BAHCC1: variants seen among roughly 807,000 people sequenced by gnomAD.
The protein encoded by BAHCC1 is BAH and coiled-coil domain-containing protein 1.
A neutral mutation model predicts 88.2 loss-of-function variants in BAHCC1; 43 were observed. The ratio of observed to expected loss-of-function variants is 0.49; its 90% CI spans 0.38 to 0.63. The LOEUF is 0.63. Among genes scored for constraint, BAHCC1 ranks in the 20% least tolerant of loss-of-function variants. BAHCC1 has a pLI of 0.00. For synonymous variants in BAHCC1, 1,510 were observed against 745.5 expected (o/e 2.03, Z -16.71); for missense variants, 3,023 against 1,654.8 (o/e 1.83, Z -14.34).
Position 81,451,959 on chromosome 17 carries a change from C to CT in BAHCC1, c.4180-12_4180-11insT. Reference sequence around the variant, plus strand: ...TGGCCCGGCTCACAGGCCCCTGTGCCCCCCCCACCAGGTGTGCCCCCTGAA... The same window carrying CT: ...TGGCCCGGCTCACAGGCCCCTGTGCCTCCCCCCACCAGGTGTGCCCCCTGAA... On this transcript the variant is annotated splice_polypyrimidine_tract_variant and intron_variant, in intron 12 of 27. Coordinates refer to ENST00000675386, the MANE Select transcript of BAHCC1 (RefSeq NM_001377448.1). 1.6e-6 allele frequency: 1 copy of CT among 619,106 alleles called. No homozygotes were observed. The highest frequency in any genetic ancestry group is 2.9e-6 in the Non-Finnish European group (1 of 344,352). 38.4% of individuals were successfully genotyped at this position (619,106 alleles called of 1,614,324 possible).
chr17:81,445,712 T>G, intron 10 of BAHCC1, 31 bp downstream of exon 10: 1 of 714,098 alleles, frequency 1.4e-6, no homozygotes, highest in Non-Finnish European at 2.6e-6. Flanking sequence ...CGGCCCACTG[T>G]GCTCCGCTCC....
chr17:81,457,089 G>C (rs1032621112), intron 16 of BAHCC1, among the ~76,000 whole-genome samples: 3 of 152,142 alleles, frequency 2.0e-5, no homozygotes, highest in Non-Finnish European at 4.4e-5. Flanking sequence ...GAGGGGCAGA[G>C]GGCCATCTGG....
chr17:81,408,363 A>G (rs1465539224), intron 2 of BAHCC1, among the ~76,000 whole-genome samples: 1 of 151,672 alleles, frequency 6.6e-6, no homozygotes, highest in African/African-American at 2.4e-5. Flanking sequence ...AGGTTCCTAG[A>G]TGCTCGGCTA....
chr17:81,416,897 A>G (rs1950351001), intron 2 of BAHCC1, among the ~76,000 whole-genome samples: 1 of 152,198 alleles, frequency 6.6e-6, no homozygotes, highest in Non-Finnish European at 1.5e-5. Flanking sequence ...GGCCAAGAGC[A>G]CTAGAGTCTC....
Position 81,445,023 on chromosome 17 carries a change from A to G in BAHCC1, c.2680A>G (p.Met894Val), listed in dbSNP as rs1555653927. The G allele has an allele frequency of 2.6e-6, 2 of 762,618 alleles. No individual in the cohort carries two copies. The highest frequency in any genetic ancestry group is 4.9e-5 in the East Asian group (2 of 40,620). The allele number at this position is 762,618 out of a possible 1,614,324, so 47.2% of individuals were successfully genotyped here. A position where few individuals can be genotyped will look rare whatever the true frequency, so the allele number is the denominator to read the frequency against. ...CTGGGCCCTGCCCACAGCGGATGTC[A>G]TGGACCAGGCGTCACTGTGGCCCCC... is the stretch of plus-strand genomic sequence containing the variant. ...HSAPHALADV[M>V]DQASLWPPMY... Residue 894 changes from methionine (M) to valine (V), a missense_variant, in exon 9 of 28, where the codon ATG becomes GTG. Met to Val is a conservative substitution (Grantham distance 21). Coordinates refer to ENST00000675386, the MANE Select transcript of BAHCC1 (RefSeq NM_001377448.1).
chr17:81,441,998 C>T lies in BAHCC1; in HGVS notation c.649C>T (p.Arg217Cys), dbSNP rs782063768. The T allele has an allele frequency of 3.5e-5, 26 of 743,166 alleles. No individual in the cohort carries two copies. The highest frequency in any genetic ancestry group is 3.1e-4 in the Admixed American group (17 of 55,258). 46.0% of individuals were successfully genotyped at this position (743,166 alleles called of 1,614,324 possible). The change falls in exon 5 of 28, where the codon CGC (arginine) becomes TGC (cysteine). Residue 217 changes from arginine (R) to cysteine (C), a missense_variant. By Grantham distance (180) the Arg-to-Cys change is radical. Transcript: ENST00000675386. ...SLQKGPKDFD[R>C]FLVGKELGRE... Reference sequence around the variant, plus strand: ...GCAGAAGGGCCCCAAGGACTTCGACCGCTTCCTCGTGGGCAAAGAGCTGGG... The same window carrying T: ...GCAGAAGGGCCCCAAGGACTTCGACTGCTTCCTCGTGGGCAAAGAGCTGGG...
chr17:81,447,905 T>TGCCTCA, intron 11 of BAHCC1, 57 bp downstream of exon 11: 2 of 706,602 alleles, frequency 2.8e-6, no homozygotes, highest in South Asian at 3.0e-5. Flanking sequence ...CCCACACGCC[T>TGCCTCA]GCCTCAGGGT....
At chr17:81,445,721 C>G (rs577918911) in intron 10 of BAHCC1, 40 bp downstream of exon 10, 2 of 707,254 alleles carry the variant, frequency 2.8e-6, no homozygotes, top group East Asian at 2.7e-5. Flanking sequence ...GTGCTCCGCT[C>G]CAAGCCCTCC....
rs974948624 is a variant in BAHCC1, at chr17:81,447,552, T to G, written c.3680T>G (p.Leu1227Arg). The change falls in exon 11 of 28, where the codon CTG becomes CGG. Residue 1227 changes from leucine to arginine, a missense_variant. Transcript: ENST00000675386. Reference protein sequence around the residue: ...GEQPAPEEDELEEDELGQQSM... With the variant: ...GEQPAPEEDEREEDELGQQSM... ...CAGCCGGCCCCTGAGGAGGACGAGC[T>G]GGAGGAAGACGAGCTGGGGCAGCAG... 5 of 757,780 alleles carry G rather than the reference T, an allele frequency of 6.6e-6. No individual in the cohort carries two copies. Among genetic ancestry groups the G allele is most frequent in the Non-Finnish European group, 1.2e-5 (5 of 407,628 alleles). The allele number at this position is 757,780 out of a possible 1,614,324, so 46.9% of individuals were successfully genotyped here. A position where few individuals can be genotyped will look rare whatever the true frequency, so the allele number is the denominator to read the frequency against.
Position 81,461,782 on chromosome 17 carries a change from C to T in BAHCC1, c.7119C>T (p.Pro2373=), listed in dbSNP as rs782622064. 1.0e-4 allele frequency: 73 copies of T among 715,922 alleles called. No homozygotes were observed. Among genetic ancestry groups the T allele is most frequent in the South Asian group, 9.5e-4 (64 of 67,272 alleles). The allele number at this position is 715,922 out of a possible 1,614,324, so 44.3% of individuals were successfully genotyped here. The part of the protein sequence containing the change: ...THPVPTLLAQ[P]EALRSKGSGP... ...CCGTGCCCACCCTCCTGGCCCAGCC[C>T]GAGGCCCTGCGCTCCAAGGGCAGCG... Residue 2373 remains proline (P), a synonymous_variant, in exon 26 of 28, where the codon CCC becomes CCT. Transcript: ENST00000675386.
chr17:81,410,497 T>C (rs937912428), intron 2 of BAHCC1, among the ~76,000 whole-genome samples: 10 of 152,162 alleles, frequency 6.6e-5, no homozygotes, highest in South Asian at 2.1e-4. Context: ...ATGGTTTTGG[T>C]GTGAAGGTGG....
chr17:81,441,759 A>C lies in BAHCC1; in HGVS notation c.482-72A>C, dbSNP rs1598485878. The stretch of plus-strand genomic sequence containing the variant: ...CTGGTGTCCGGGAGGCACCTGGAGC[A>C]CCTGTCTCAGGGAGTCTTTCTCCAG... On this transcript the variant is annotated intron_variant, in intron 4 of 27. Transcript: ENST00000675386. The C allele has an allele frequency of 6.1e-6, 3 of 491,638 alleles. No individual in the cohort carries two copies. In the South Asian group the frequency reaches 1.6e-4, roughly 27 times the overall value. The allele number at this position is 491,638 out of a possible 1,614,324, so 30.5% of individuals were successfully genotyped here.
chr17:81,406,852 C>G (rs1485241186), intron 2 of BAHCC1: 1 of 455,904 alleles, frequency 2.2e-6, no homozygotes, highest in African/African-American at 2.0e-5. Flanking sequence ...GGTGGGGAGG[C>G]GTCCAGCGCC....
chr17:81,411,169 T>C lies in BAHCC1; in HGVS notation c.178+11252T>C, dbSNP rs2063945379. 1 of 518,692 alleles carries C rather than the reference T, an allele frequency of 1.9e-6. No individual in the cohort carries two copies. Among genetic ancestry groups the C allele is most frequent in the Non-Finnish European group, 3.8e-6 (1 of 259,786 alleles). 32.1% of individuals were successfully genotyped at this position (518,692 alleles called of 1,614,324 possible). ...TGCCTGCAGGTGCCTGTGTCCTGTCTCTGCCCCAGGCTGAGGCCGAGGGTC... is the reference window on the plus strand; with the variant it reads ...TGCCTGCAGGTGCCTGTGTCCTGTCCCTGCCCCAGGCTGAGGCCGAGGGTC... On this transcript the variant is annotated intron_variant, in intron 2 of 27. Coordinates refer to ENST00000675386, the MANE Select transcript of BAHCC1 (RefSeq NM_001377448.1). The surrounding 1 kb of genome is among the most constrained non-coding windows in gnomAD (Gnocchi z 6.2).
At chr17:81,448,637 G>C (rs1036126800) in intron 11 of BAHCC1, among the ~76,000 whole-genome samples, 1 of 152,154 alleles carries the variant, frequency 6.6e-6, no homozygotes, top group Non-Finnish European at 1.5e-5. Context: ...CTGCTTTCTG[G>C]ATGCATAAAG....
Position 81,436,497 on chromosome 17 carries a change from G to A in BAHCC1, c.359-1873G>A, listed in dbSNP as rs200961624. On this transcript the variant is annotated intron_variant, in intron 3 of 27. Coordinates refer to ENST00000675386, the MANE Select transcript of BAHCC1 (RefSeq NM_001377448.1). Reference sequence around the variant, plus strand: ...CTTCTGTTTACCAAAATGAGGCCTCGTAAAACATTTAACAGCAGCCAATTA... The same window carrying A: ...CTTCTGTTTACCAAAATGAGGCCTCATAAAACATTTAACAGCAGCCAATTA... Among the ~76,000 whole-genome samples the A allele has an allele frequency of 2.5e-4, 38 of 152,292 alleles. No individual in the cohort carries two copies. The East Asian group carries it at 6.4e-3, about 25-fold the overall frequency.
chr17:81,432,885 TCCC>T (rs1200696970), intron 3 of BAHCC1, among the ~76,000 whole-genome samples: 28 of 4,054 alleles, frequency 6.9e-3, no homozygotes, highest in Non-Finnish European at 0.011. Flanking sequence ...AGGCCCAACC[TCCC>T]CCCCCATCCC....
intron 2 of BAHCC1, among the ~76,000 whole-genome samples, chr17:81,424,589 G>A (rs2064152242): frequency 6.6e-6 from 1 of 152,204 alleles, no homozygotes; most frequent in Non-Finnish European, 1.5e-5. Context: ...TGGTGATGGT[G>A]GTGGTGGTGT....
rs1390264131 is a variant in BAHCC1, at chr17:81,434,005, C to T, written c.359-4365C>T. 1.3e-5 allele frequency among the ~76,000 whole-genome samples: 2 copies of T among 152,146 alleles called. No individual in the cohort carries two copies. The highest frequency in any genetic ancestry group is 2.1e-4 in the South Asian group (1 of 4,834). On this transcript the variant is annotated intron_variant, in intron 3 of 27. Transcript: ENST00000675386. This position sits in a 1 kb window ranked among gnomAD's most constrained non-coding sequence, Gnocchi z 4.9. The stretch of plus-strand genomic sequence containing the variant: ...GTGGCTGCACGGCAGGGACGTCCTG[C>T]GTGACAGGGACGATGTGCAGAACCT...
Sources: allele counts gnomAD v4.1 joint callset (sites outside exome capture counted in the v4.1 genomes callset), GRCh38; gene constraint gnomAD v4.1.1; non-coding constraint Gnocchi (gnomAD v3.1); transcripts MANE v1.5; gene names NCBI Gene and HGNC (gene_info 2026-07-23, HGNC 2026-07-21).